The following INPP4B variants were observed in gnomAD, a reference collection of about 807,000 sequenced individuals.
INPP4B encodes the protein inositol polyphosphate-4-phosphatase type II B.
In INPP4B, 55 loss-of-function variants were observed where a neutral mutation model predicts 122.5. The ratio of observed to expected loss-of-function variants is 0.45; its 90% CI spans 0.36 to 0.56. The LOEUF (loss-of-function observed/expected upper bound fraction) is 0.56, where lower values mean the gene tolerates loss of function less well. INPP4B is among the 20% of genes least tolerant of loss of function. The probability of loss-of-function intolerance (pLI) is 0.00; values close to 1 mark genes in which losing one functional copy is unlikely to be tolerated. For synonymous variants in INPP4B, 403 were observed against 388.7 expected (o/e 1.04, Z -0.43); for missense variants, 1,000 against 1,097.7 (o/e 0.91, Z 1.26).
intron 12 of INPP4B, among the ~76,000 whole-genome samples, chr4:142,217,394 A>C (rs1269651298): frequency 6.6e-6 from 1 of 152,166 alleles, no homozygotes; most frequent in Non-Finnish European, 1.5e-5. Flanking sequence ...TTGTTGACTG[A>C]ATAAATGAAG....
chr4:142,082,323 A>T, intron 24 of INPP4B, 138 bp from the exon 25 acceptor site: 1 of 611,572 alleles, frequency 1.6e-6, no homozygotes, highest in African/African-American at 1.8e-5. Context: ...AATTTGTTCA[A>T]TCGGTCTCAT....
chr4:142,175,515 C>T (rs568969417), intron 15 of INPP4B, among the ~76,000 whole-genome samples: 18 of 152,068 alleles, frequency 1.2e-4, no homozygotes, highest in South Asian at 4.2e-4. Flanking sequence ...GGCTAAGAAA[C>T]GCATTACTAG....
intron 5 of INPP4B, among the ~76,000 whole-genome samples, chr4:142,415,207 G>C (rs1805432259): frequency 6.6e-6 from 1 of 152,092 alleles, no homozygotes; most frequent in Non-Finnish European, 1.5e-5. Flanking sequence ...GGTTATTGGG[G>C]AGGGGCTGCT....
At chr4:142,300,338 A>T (rs1013308301) in intron 9 of INPP4B, among the ~76,000 whole-genome samples, 2 of 152,164 alleles carry the variant, frequency 1.3e-5, no homozygotes, top group African/African-American at 2.4e-5. Flanking sequence ...CAAGTTAAGA[A>T]TGCGCCTTTG....
chr4:142,503,409 A>C (rs907659668), intron 2 of INPP4B, among the ~76,000 whole-genome samples: 6 of 152,164 alleles, frequency 3.9e-5, no homozygotes, highest in Non-Finnish European at 8.8e-5. Flanking sequence ...AAAATATAAT[A>C]ATTACAGCAC....
chr4:142,596,901 T>A (rs1738835158), intron 2 of INPP4B, among the ~76,000 whole-genome samples: 1 of 152,218 alleles, frequency 6.6e-6, no homozygotes, highest in Non-Finnish European at 1.5e-5. Flanking sequence ...CAGATTGAAG[T>A]GTTTTATTTT....
intron 25 of INPP4B, among the ~76,000 whole-genome samples, chr4:142,054,421 C>G (rs1051404928): frequency 6.6e-6 from 1 of 152,012 alleles, no homozygotes. Context: ...TAAATTGAGA[C>G]TGAAATGGGT....
chr4:142,654,048 T>G (rs566666243), intron 2 of INPP4B, among the ~76,000 whole-genome samples: 212 of 152,102 alleles, frequency 1.4e-3, no homozygotes, highest in African/African-American at 4.7e-3. Flanking sequence ...CCATAAAAAA[T>G]GATGAGTTCA....
rs112702693 is a variant in INPP4B, at chr4:142,338,321, C to T, written c.373-23559G>A. ...TGCCATCTAGGCTCACTGCAAGCTC[C>T]GCCTCGTGGGTTCACACCATTCTCC... On this transcript the variant is annotated intron_variant, in intron 7 of 25. Coordinates refer to ENST00000262992, the MANE Select transcript of INPP4B (RefSeq NM_001101669.3). 6.3e-3 allele frequency among the ~76,000 whole-genome samples: 961 copies of T among 152,236 alleles called. 3 individuals carry two copies. Among genetic ancestry groups the T allele is most frequent in the South Asian group, 0.031 (148 of 4,822 alleles).
intron 10 of INPP4B, among the ~76,000 whole-genome samples, chr4:142,262,604 T>C (rs561060804): frequency 5.3e-5 from 8 of 152,294 alleles, no homozygotes; most frequent in Admixed American, 5.2e-4. Context: ...TTACCTGTTA[T>C]TTTAATTGTT....
At chr4:142,094,882 A>G (rs1561098051) in intron 23 of INPP4B, among the ~76,000 whole-genome samples, 1 of 152,192 alleles carries the variant, frequency 6.6e-6, no homozygotes, top group Non-Finnish European at 1.5e-5. Flanking sequence ...AATGAGGTAA[A>G]ATACAGGAAG....
chr4:142,676,119 T>C (rs1757728660), intron 2 of INPP4B, among the ~76,000 whole-genome samples: 1 of 152,208 alleles, frequency 6.6e-6, no homozygotes, highest in Non-Finnish European at 1.5e-5. Context: ...GCTCAGAATC[T>C]CCTTAAGCTG....
At chr4:142,061,865 T>TACACACAC (rs1198104747) in intron 25 of INPP4B, among the ~76,000 whole-genome samples, 2 of 41,394 alleles carry the variant, frequency 4.8e-5, no homozygotes, top group African/African-American at 1.1e-4. Context: ...TATATATATG[T>TACACACAC]ACACACACAC....
At chr4:142,315,686 GA>G (rs1193828253) in intron 7 of INPP4B, among the ~76,000 whole-genome samples, 1 of 150,254 alleles carries the variant, frequency 6.7e-6, no homozygotes, top group African/African-American at 2.5e-5. Flanking sequence ...GGGAACATAA[GA>G]AAAAACAAGA....
intron 3 of INPP4B, among the ~76,000 whole-genome samples, chr4:142,453,512 T>G (rs1350114865): frequency 2.0e-5 from 3 of 152,206 alleles, no homozygotes; most frequent in African/African-American, 7.2e-5. Flanking sequence ...AAATTTTATC[T>G]TCTGCTTTTT....
chr4:142,500,113 T>C (rs962133951), intron 2 of INPP4B, among the ~76,000 whole-genome samples: 1 of 152,190 alleles, frequency 6.6e-6, no homozygotes, highest in Non-Finnish European at 1.5e-5. Flanking sequence ...GCTAGGACTA[T>C]CACAAGCTAG....
intron 3 of INPP4B, among the ~76,000 whole-genome samples, chr4:142,441,617 C>T (rs1339399856): frequency 1.3e-5 from 2 of 151,824 alleles, no homozygotes; most frequent in Non-Finnish European, 2.9e-5. Flanking sequence ...TAAAAAAATG[C>T]ATATAGTGAG....
At chr4:142,776,153 C>T (rs752813488) in intron 1 of INPP4B, among the ~76,000 whole-genome samples, 12 of 152,142 alleles carry the variant, frequency 7.9e-5, no homozygotes, top group Non-Finnish European at 4.4e-5. Context: ...GTTTGACTTG[C>T]TCTTACTATT....
At chr4:142,269,942 T>G (rs544298058) in intron 10 of INPP4B, among the ~76,000 whole-genome samples, 3 of 152,346 alleles carry the variant, frequency 2.0e-5, no homozygotes, top group Admixed American at 1.3e-4. Flanking sequence ...AGTTTCTAAG[T>G]CTACCCCATG....
Sources: gnomAD v4.1 joint callset for allele counts (sites outside exome capture counted in the v4.1 genomes callset) on GRCh38, gnomAD v4.1.1 for gene constraint, MANE v1.5 for transcripts, NCBI Gene and HGNC (gene_info 2026-07-23, HGNC 2026-07-21) for gene names.